SLC41A2: variants seen among roughly 807,000 people sequenced by gnomAD.
SLC41A2 encodes SLC41A1-like 1.
A neutral mutation model predicts 58.3 loss-of-function variants in SLC41A2; 32 were observed. The observed-to-expected ratio is 0.55, with a 90% CI of 0.41 to 0.74. The LOEUF (loss-of-function observed/expected upper bound fraction) is 0.74, where lower values mean the gene tolerates loss of function less well. Among genes scored for constraint, SLC41A2 ranks in the 30% least tolerant of loss-of-function variants. The probability of loss-of-function intolerance (pLI) is 0.00; values close to 1 mark genes in which losing one functional copy is unlikely to be tolerated. For synonymous variants in SLC41A2, 190 were observed against 235.0 expected, an observed-to-expected ratio of 0.81 and a Z score of 1.75; for missense variants, 514 against 680.6, an observed-to-expected ratio of 0.76 and a Z score of 2.72.
chr12:104,857,320 C>T (rs1054648906), intron 8 of SLC41A2, among the ~76,000 whole-genome samples: 3 of 152,148 alleles, frequency 2.0e-5, no homozygotes, highest in Admixed American at 6.5e-5. Context: ...GAAAGAGAGA[C>T]TCACGTTTAT....
rs1358162919 is a variant in SLC41A2, at chr12:104,804,724, C to CTCT, written c.*425_*427dup. 1 of 153,712 alleles carries CTCT rather than the reference C, an allele frequency of 6.5e-6. No homozygotes were observed. Among genetic ancestry groups the CTCT allele is most frequent in the African/African-American group, 2.4e-5 (1 of 41,458 alleles). 9.5% of individuals were successfully genotyped at this position (153,712 alleles called of 1,614,324 possible). On this transcript the variant is annotated 3_prime_UTR_variant, in exon 11 of 11. Coordinates refer to ENST00000258538, the MANE Select transcript of SLC41A2 (RefSeq NM_001352171.3). ...ATACGATTCAAAGCTTGGTTGGGCA[C>CTCT]TCTTCGTTTTATAGTATGCCTGGGA...
intron 2 of SLC41A2, among the ~76,000 whole-genome samples, chr12:104,912,757 A>T (rs1424704906): frequency 6.6e-6 from 1 of 152,192 alleles, no homozygotes; most frequent in East Asian, 1.9e-4. Flanking sequence ...CAGGACTTGC[A>T]TCTGGTATCT....
upstream of SLC41A2, chr12:104,958,396 T>C (rs1225356080): frequency 2.7e-5 from 4 of 149,926 alleles, no homozygotes; most frequent in Admixed American, 6.6e-5. Flanking sequence ...GCCCGGGCCT[T>C]GGTGATGTGG....
chr12:104,951,715 G>A (rs2047964637), intron 1 of SLC41A2, among the ~76,000 whole-genome samples: 1 of 151,676 alleles, frequency 6.6e-6, no homozygotes, highest in Non-Finnish European at 1.5e-5. Flanking sequence ...TCTATTTTCT[G>A]TTGATTCTTC....
chr12:104,920,925 A>AAAAAT (rs959955665), intron 2 of SLC41A2, among the ~76,000 whole-genome samples: 7 of 151,656 alleles, frequency 4.6e-5, no homozygotes, highest in Middle Eastern at 3.4e-3. Flanking sequence ...CTCTGTCTCA[A>AAAAAT]AAAATAAAAT....
intron 2 of SLC41A2, among the ~76,000 whole-genome samples, chr12:104,924,449 A>G (rs1367055801): frequency 1.3e-5 from 2 of 152,240 alleles, no homozygotes; most frequent in Non-Finnish European, 2.9e-5. Context: ...TATGTGCATC[A>G]AAAGTCTGGA....
intron 2 of SLC41A2, among the ~76,000 whole-genome samples, chr12:104,917,586 C>G (rs2046384071): frequency 6.6e-6 from 1 of 151,292 alleles, no homozygotes; most frequent in Non-Finnish European, 1.5e-5. Context: ...AAATATCCAA[C>G]AATGATAGAC....
At position 104,928,289 on chromosome 12, in the gene SLC41A2, G is replaced by C. The variant is rs769209825; in HGVS notation, c.239C>G (p.Ser80Cys). 9.3e-6 allele frequency: 15 copies of C among 1,612,834 alleles called. No individual in the cohort carries two copies. In the Admixed American group the frequency reaches 2.5e-4, roughly 27 times the overall value. The change falls in exon 2 of 11, where the codon TCT becomes TGT. Residue 80 changes from serine to cysteine, a missense_variant. Coordinates refer to ENST00000258538, the MANE Select transcript of SLC41A2 (RefSeq NM_001352171.3). ...ACTGTGATACTCCATGTGTTGCTCA[G>C]ATCTATTACTAAAAGTCTGTACTGC... ...STAVQTFSNRSEQHMEYHSFS... is the reference protein window; with the variant it reads ...STAVQTFSNRCEQHMEYHSFS...
intron 7 of SLC41A2, among the ~76,000 whole-genome samples, chr12:104,866,013 G>A (rs1473162254): frequency 6.6e-6 from 1 of 152,076 alleles, no homozygotes; most frequent in Non-Finnish European, 1.5e-5. Flanking sequence ...TCCTAGATAT[G>A]GAAGTAGCCA....
Position 104,871,345 on chromosome 12 carries a change from G to A in SLC41A2, c.1028-4766C>T, listed in dbSNP as rs564380425. Among the ~76,000 whole-genome samples, 12 of 152,260 alleles carry A rather than the reference G, an allele frequency of 7.9e-5. No homozygotes were observed. The East Asian group carries it at 2.3e-3, about 29-fold the overall frequency. ...AGAAAGAAAGGAGCAACAATCATGTGAACATATATATATTCCAGTTACTGG... is the reference window on the plus strand; with the variant it reads ...AGAAAGAAAGGAGCAACAATCATGTAAACATATATATATTCCAGTTACTGG... On this transcript the variant is annotated intron_variant, in intron 6 of 10. Coordinates refer to ENST00000258538, the MANE Select transcript of SLC41A2 (RefSeq NM_001352171.3).
chr12:104,863,268 T>C (rs184485507), intron 7 of SLC41A2, among the ~76,000 whole-genome samples: 1 of 152,176 alleles, frequency 6.6e-6, no homozygotes, highest in East Asian at 1.9e-4. Context: ...TGAGACCCTG[T>C]CTCTACAAAA....
rs57288952 is a variant in SLC41A2, at chr12:104,864,121, T to C, written c.1175+2311A>G. Among the ~76,000 whole-genome samples the C allele has an allele frequency of 5.9e-3, 892 of 152,292 alleles. 16 individuals carry two copies. The highest frequency in any genetic ancestry group is 0.02 in the African/African-American group (839 of 41,558). On this transcript the variant is annotated intron_variant, in intron 7 of 10. Coordinates refer to ENST00000258538, the MANE Select transcript of SLC41A2 (RefSeq NM_001352171.3). ...ACTATAACAAAAGCCCAGTATTTCA[T>C]GGGATTCTGTTGCCTGAATCCTCCA...
rs769183567 is a variant in SLC41A2 at position 104,805,119 on chromosome 12, C to T, written c.*33G>A. On this transcript the variant is annotated 3_prime_UTR_variant, in exon 11 of 11. Transcript: ENST00000258538. ...ATAAGTGGTTGTCGTGTATTTTCTTCCTTGGTAACTTGAGAGCAGTTTGTA... is the reference window on the plus strand; with the variant it reads ...ATAAGTGGTTGTCGTGTATTTTCTTTCTTGGTAACTTGAGAGCAGTTTGTA... 6.5e-7 allele frequency: 1 copy of T among 1,534,328 alleles called. No individual in the cohort carries two copies. The highest frequency in any genetic ancestry group is 8.8e-7 in the Non-Finnish European group (1 of 1,136,754).
In SLC41A2 at chr12:104,840,536, A is replaced by G. The variant is rs144560969; in HGVS notation, c.1536+3936T>C. ...TTACTGTTGAAGAAAAATAAACTCA[A>G]AAAGCAATGTGATTGGTGGTATGTC... On this transcript the variant is annotated intron_variant, in intron 10 of 10. Coordinates refer to ENST00000258538, the MANE Select transcript of SLC41A2 (RefSeq NM_001352171.3). 3.9e-3 allele frequency among the ~76,000 whole-genome samples: 588 copies of G among 152,276 alleles called. 6 individuals carry two copies. The highest frequency in any genetic ancestry group is 0.013 in the African/African-American group (553 of 41,548).
intron 1 of SLC41A2, among the ~76,000 whole-genome samples, chr12:104,932,046 C>A (rs2047074464): frequency 6.6e-6 from 1 of 152,154 alleles, no homozygotes; most frequent in Non-Finnish European, 1.5e-5. Context: ...ATGCCACAGA[C>A]CACATATCAC....
At chr12:104,835,661 T>C (rs773374188) in intron 10 of SLC41A2, among the ~76,000 whole-genome samples, 1 of 152,222 alleles carries the variant, frequency 6.6e-6, no homozygotes, top group Non-Finnish European at 1.5e-5. Flanking sequence ...GTGCTTGGAA[T>C]GGATTCCTAC....
chr12:104,904,823 G>A (rs777895809), intron 3 of SLC41A2, among the ~76,000 whole-genome samples: 14 of 152,098 alleles, frequency 9.2e-5, no homozygotes, highest in Non-Finnish European at 2.1e-4. Flanking sequence ...GCAGATCTTC[G>A]CGGTGAGTGT....
At chr12:104,880,531 G>A (rs1041328707) in intron 6 of SLC41A2, among the ~76,000 whole-genome samples, 3 of 152,164 alleles carry the variant, frequency 2.0e-5, no homozygotes, top group Non-Finnish European at 2.9e-5. Context: ...ATGAAGGGCT[G>A]TTGAATTTTG....
intron 10 of SLC41A2, among the ~76,000 whole-genome samples, chr12:104,841,284 CTG>C (rs2042399914): frequency 6.6e-6 from 1 of 150,874 alleles, no homozygotes; most frequent in Non-Finnish European, 1.5e-5. Context: ...AGTGAGGAAA[CTG>C]GTGTTTATTG....
Sources: gnomAD v4.1 joint callset for allele counts (sites outside exome capture counted in the v4.1 genomes callset) on GRCh38, gnomAD v4.1.1 for gene constraint, MANE v1.5 for transcripts, NCBI Gene and HGNC (gene_info 2026-07-23, HGNC 2026-07-21) for gene names.